Variants in CCSER1 observed in about 807,000 individuals in gnomAD.
CCSER1 encodes coiled-coil serine rich protein 1.
In CCSER1, 41 loss-of-function variants were observed where a neutral mutation model predicts 82.0. That is an observed-to-expected ratio of 0.50 (90% CI 0.39 to 0.65). CCSER1 has a LOEUF of 0.65. Ranked by LOEUF, CCSER1 falls within the 30% of genes least tolerant of loss-of-function variation. The probability of loss-of-function intolerance (pLI) is 0.00; values close to 1 mark genes in which losing one functional copy is unlikely to be tolerated. For synonymous variants in CCSER1, 414 were observed against 383.9 expected (o/e 1.08, Z -0.92); for missense variants, 1,119 against 1,064.2 (o/e 1.05, Z -0.72).
rs544217453 is a variant in CCSER1, at chr4:91,479,147, TAAA to T, written c.2218-119422_2218-119420del. Among the ~76,000 whole-genome samples the T allele has an allele frequency of 2.6e-5, 4 of 151,052 alleles. No homozygotes were observed. In the South Asian group the frequency reaches 6.2e-4, roughly 24 times the overall value. On this transcript the variant is annotated intron_variant, in intron 10 of 10. Transcript: ENST00000509176. ...AATTATGAAATTGACATCAGCAAAA[TAAA>T]AACATTTTGTTGAATATTTTCTTTC...
chr4:91,341,896 T>C (rs1747745371), intron 10 of CCSER1, among the ~76,000 whole-genome samples: 1 of 152,214 alleles, frequency 6.6e-6, no homozygotes, highest in Admixed American at 6.5e-5. Flanking sequence ...TAAAGACTTT[T>C]ACCAGGACTT....
intron 3 of CCSER1, among the ~76,000 whole-genome samples, chr4:90,359,839 G>GTA (rs1228228735): frequency 1.7e-3 from 251 of 149,848 alleles, no homozygotes; most frequent in African/African-American, 5.9e-3. Flanking sequence ...ATATATATGT[G>GTA]TATATATATG....
chr4:90,982,160 C>G (rs547050913), intron 9 of CCSER1, among the ~76,000 whole-genome samples: 33 of 151,924 alleles, frequency 2.2e-4, no homozygotes, highest in African/African-American at 7.7e-4. Flanking sequence ...CTGAGACATT[C>G]AAGATCAAGA....
intron 1 of CCSER1, among the ~76,000 whole-genome samples, chr4:90,153,074 C>A (rs889130745): frequency 1.5e-5 from 2 of 137,398 alleles, no homozygotes; most frequent in African/African-American, 5.4e-5. Context: ...TGTGATGTTC[C>A]CCTTCCTGCG....
At chr4:90,907,471 CG>C (rs1725672710) in intron 8 of CCSER1, among the ~76,000 whole-genome samples, 1 of 151,974 alleles carries the variant, frequency 6.6e-6, no homozygotes, top group Non-Finnish European at 1.5e-5. Flanking sequence ...TTCAAAAAAT[CG>C]TCATCCTTTG....
intron 1 of CCSER1, among the ~76,000 whole-genome samples, chr4:90,230,152 T>A (rs577506340): frequency 6.6e-6 from 1 of 152,162 alleles, no homozygotes; most frequent in East Asian, 1.9e-4. Context: ...CTCCACCCCA[T>A]ATCAACAGAA....
intron 6 of CCSER1, 66 bp from the exon 7 acceptor site, chr4:90,723,848 A>G: frequency 1.5e-6 from 1 of 671,454 alleles, no homozygotes; most frequent in Non-Finnish European, 2.3e-6. Context: ...TTATTTTTCT[A>G]AATTATGAAT....
intron 10 of CCSER1, among the ~76,000 whole-genome samples, chr4:91,262,485 CATAG>C (rs1741266805): frequency 6.6e-6 from 1 of 151,916 alleles, no homozygotes; most frequent in South Asian, 2.1e-4. Flanking sequence ...TGAAAATACT[CATAG>C]ATACTCAATG....
chr4:90,782,988 C>G (rs1754017496), intron 7 of CCSER1, among the ~76,000 whole-genome samples: 1 of 152,136 alleles, frequency 6.6e-6, no homozygotes, highest in African/African-American at 2.4e-5. Flanking sequence ...GGCTGGAGTG[C>G]AGTGGTGCAA....
chr4:91,220,199 T>A (rs1318481442), intron 10 of CCSER1, among the ~76,000 whole-genome samples: 1 of 152,194 alleles, frequency 6.6e-6, no homozygotes, highest in East Asian at 1.9e-4. Context: ...TGTATTTTTA[T>A]CCCCATCACA....
At chr4:90,484,790 G>T (rs1038613489) in intron 5 of CCSER1, among the ~76,000 whole-genome samples, 2 of 152,170 alleles carry the variant, frequency 1.3e-5, no homozygotes, top group African/African-American at 4.8e-5. Flanking sequence ...GCCCCTACTG[G>T]GGGGTTCCTC....
chr4:90,718,242 A>C (rs1299440561), intron 6 of CCSER1, among the ~76,000 whole-genome samples: 3 of 152,158 alleles, frequency 2.0e-5, no homozygotes, highest in Non-Finnish European at 4.4e-5. Flanking sequence ...GGATCATTAT[A>C]GAATTTACCC....
intron 8 of CCSER1, among the ~76,000 whole-genome samples, chr4:90,846,714 T>TC (rs1180763704): frequency 1.4e-5 from 2 of 141,750 alleles, no homozygotes; most frequent in Non-Finnish European, 3.1e-5. Flanking sequence ...CAACCCGTCT[T>TC]CATCTCTCCT....
chr4:90,404,697 G>A (rs1753447784), intron 4 of CCSER1, among the ~76,000 whole-genome samples: 1 of 152,216 alleles, frequency 6.6e-6, no homozygotes, highest in Non-Finnish European at 1.5e-5. Flanking sequence ...GGACTCTGCA[G>A]GCTCAGCCCA....
chr4:91,424,080 A>G (rs1381168452), intron 10 of CCSER1, among the ~76,000 whole-genome samples: 3 of 130,344 alleles, frequency 2.3e-5, no homozygotes, highest in Non-Finnish European at 4.6e-5. Flanking sequence ...GCAGTGGCGC[A>G]ATCTCGGCTC....
chr4:91,357,900 TTTTG>T lies in CCSER1; in HGVS notation c.2218-240671_2218-240668del, dbSNP rs1193399498. Among the ~76,000 whole-genome samples the T allele has an allele frequency of 6.3e-3, 539 of 85,498 alleles. 15 individuals are homozygous for T. The highest frequency in any genetic ancestry group is 0.012 in the Non-Finnish European group (432 of 35,886). 56.1% of individuals were successfully genotyped at this position (85,498 alleles called of 152,430 possible). On this transcript the variant is annotated intron_variant, in intron 10 of 10. Transcript: ENST00000509176. ...TGCCCCCCCCCCCTTTTTTTTTTTT[TTTTG>T]AAGATAACCATTCCTTTTTTTAAAG...
chr4:90,579,639 A>C (rs1781197887), intron 5 of CCSER1, among the ~76,000 whole-genome samples: 1 of 152,186 alleles, frequency 6.6e-6, no homozygotes, highest in African/African-American at 2.4e-5. Context: ...TAATCACTAG[A>C]TGGTGTAAAA....
At chr4:90,462,452 A>T (rs949630555) in intron 4 of CCSER1, among the ~76,000 whole-genome samples, 2 of 152,196 alleles carry the variant, frequency 1.3e-5, no homozygotes, top group Admixed American at 1.3e-4. Context: ...ACCTAGGATA[A>T]TATCACTTAA....
intron 10 of CCSER1, among the ~76,000 whole-genome samples, chr4:91,494,362 C>T (rs896863264): frequency 4.6e-5 from 7 of 151,712 alleles, no homozygotes; most frequent in Non-Finnish European, 7.4e-5. Context: ...GATTTCTGCT[C>T]GTTAAGTTCA....
Sources: gnomAD v4.1 joint callset for allele counts (sites outside exome capture counted in the v4.1 genomes callset) on GRCh38, gnomAD v4.1.1 for gene constraint, MANE v1.5 for transcripts, NCBI Gene and HGNC (gene_info 2026-07-23, HGNC 2026-07-21) for gene names.